The following PDE1A variants were observed in gnomAD, a reference collection of about 807,000 sequenced individuals.
PDE1A encodes the protein dual specificity calcium/calmodulin-dependent 3',5'-cyclic nucleotide phosphodiesterase 1A.
In PDE1A, 35 loss-of-function variants were observed where a neutral mutation model predicts 61.7. The observed-to-expected ratio is 0.57, with a 90% CI of 0.43 to 0.75. PDE1A has a LOEUF of 0.75. PDE1A is among the 30% of genes least tolerant of loss of function. PDE1A has a pLI of 0.00. For synonymous variants in PDE1A, 232 were observed against 213.2 expected (o/e 1.09, Z -0.77); for missense variants, 597 against 630.6 (o/e 0.95, Z 0.57).
At chr2:182,507,381 C>T (rs911025675) in intron 2 of PDE1A, among the ~76,000 whole-genome samples, 7 of 152,156 alleles carry the variant, frequency 4.6e-5, no homozygotes, top group African/African-American at 7.2e-5. Context: ...TCCTCACTCA[C>T]ATGTCCGGTA....
At chr2:182,578,011 G>T in the PDE1A span, among the ~76,000 whole-genome samples, 1 of 147,702 alleles carries the variant, frequency 6.8e-6, no homozygotes, top group African/African-American at 2.6e-5. Context: ...GGAGGGAGGG[G>T]AAAGAGCAAG....
the PDE1A span, among the ~76,000 whole-genome samples, chr2:182,660,314 TGAGA>T: frequency 6.6e-6 from 1 of 152,174 alleles, no homozygotes; most frequent in Non-Finnish European, 1.5e-5. Context: ...AATGCTTCTC[TGAGA>T]GAGTGGAAGA....
rs564395685 is a variant in PDE1A, at chr2:182,219,155, A to AGAT, written c.776+4706_776+4708dup. 4.5e-4 allele frequency among the ~76,000 whole-genome samples: 69 copies of AGAT among 152,228 alleles called. 1 individual carries two copies. The highest frequency in any genetic ancestry group is 1.6e-3 in the African/African-American group (67 of 41,558). On this transcript the variant is annotated intron_variant, in intron 7 of 13. Transcript: ENST00000351439. Reference sequence around the variant, plus strand: ...TATAGATCCTTTTGCTTTAAAATTAAGATAGAAAAGTCGTTTTTAAAGAAA... The same window carrying AGAT: ...TATAGATCCTTTTGCTTTAAAATTAAGATGATAGAAAAGTCGTTTTTAAAGAAA...
chr2:182,456,115 A>G (rs1323757156), intron 2 of PDE1A, among the ~76,000 whole-genome samples: 1 of 152,076 alleles, frequency 6.6e-6, no homozygotes, highest in African/African-American at 2.4e-5. Context: ...ATGCTGCCCA[A>G]CTAGTCATCA....
chr2:182,713,080 G>T, the PDE1A span, among the ~76,000 whole-genome samples: 2 of 152,238 alleles, frequency 1.3e-5, no homozygotes, highest in East Asian at 3.9e-4. Context: ...TGAAGTACAA[G>T]AACTATGCAC....
At chr2:182,159,968 A>G (rs1691290782) in intron 13 of PDE1A, among the ~76,000 whole-genome samples, 1 of 152,182 alleles carries the variant, frequency 6.6e-6, no homozygotes, top group African/African-American at 2.4e-5. Context: ...AAAAAAAAGA[A>G]TTATTGTAGA....
chr2:182,217,970 G>A (rs1445666728), intron 7 of PDE1A, among the ~76,000 whole-genome samples: 1 of 151,140 alleles, frequency 6.6e-6, no homozygotes, highest in Non-Finnish European at 1.5e-5. Context: ...ACATGCAAAC[G>A]TATGTTTATT....
At chr2:182,635,275 T>C in the PDE1A span, among the ~76,000 whole-genome samples, 1 of 152,080 alleles carries the variant, frequency 6.6e-6, no homozygotes, top group Non-Finnish European at 1.5e-5. Flanking sequence ...TTCAAAAAGA[T>C]ACAGTGAAGA....
intron 2 of PDE1A, among the ~76,000 whole-genome samples, chr2:182,258,667 T>C (rs1484341421): frequency 6.6e-6 from 1 of 152,232 alleles, no homozygotes; most frequent in Admixed American, 6.5e-5. Context: ...GCCATGTCTT[T>C]AAGAATAGGC....
At chr2:182,548,093 T>C in the PDE1A span, among the ~76,000 whole-genome samples, 1 of 152,174 alleles carries the variant, frequency 6.6e-6, no homozygotes, top group African/African-American at 2.4e-5. Context: ...AAGTTTGTGC[T>C]TTTTCCCAAG....
At chr2:182,534,027 A>C in the PDE1A span, among the ~76,000 whole-genome samples, 2 of 152,124 alleles carry the variant, frequency 1.3e-5, no homozygotes, top group Non-Finnish European at 2.9e-5. Context: ...GAGAATTTGA[A>C]CCAGTATCAA....
chr2:182,242,975 A>T (rs1276652089), intron 2 of PDE1A, among the ~76,000 whole-genome samples: 2 of 124,972 alleles, frequency 1.6e-5, no homozygotes, highest in Non-Finnish European at 3.3e-5. Flanking sequence ...TTTGGATAAG[A>T]AATCATCTTT....
intron 1 of PDE1A, among the ~76,000 whole-genome samples, chr2:182,351,956 GCACACATAC>G (rs1344992064): frequency 1.3e-5 from 2 of 152,090 alleles, no homozygotes; most frequent in African/African-American, 4.8e-5. Context: ...TAAGAAATAT[GCACACATAC>G]CCACCTAAAA....
At chr2:182,267,222 G>T (rs1692693241) in intron 1 of PDE1A, among the ~76,000 whole-genome samples, 1 of 152,052 alleles carries the variant, frequency 6.6e-6, no homozygotes, top group Non-Finnish European at 1.5e-5. Flanking sequence ...CAATGAACAT[G>T]CCCTTTCACA....
At chr2:182,363,077 A>G (rs986465833) in intron 1 of PDE1A, among the ~76,000 whole-genome samples, 1 of 151,990 alleles carries the variant, frequency 6.6e-6, no homozygotes, top group East Asian at 1.9e-4. Context: ...GGAGGGCAGG[A>G]GGAGGAAGAG....
chr2:182,584,023 G>A, the PDE1A span, among the ~76,000 whole-genome samples: 1 of 152,142 alleles, frequency 6.6e-6, no homozygotes, highest in Admixed American at 6.6e-5. Context: ...GAGATATTAC[G>A]TGATCTCATT....
rs556460611 is a variant in PDE1A at position 182,444,088 on chromosome 2, A to G, written c.101+78188T>C. On this transcript the variant is annotated intron_variant, in intron 2 of 14. Coordinates refer to the PDE1A transcript ENST00000410103. ...AGCCTAATATAGGCTAGGTCTCTCA[A>G]AATCTCCCTACCCACTCATTCACTA... 4.1e-4 allele frequency among the ~76,000 whole-genome samples: 62 copies of G among 152,278 alleles called. No homozygotes were observed. In the South Asian group the frequency reaches 9.3e-3, roughly 23 times the overall value.
intron 1 of PDE1A, among the ~76,000 whole-genome samples, chr2:182,392,466 A>G (rs1226990428): frequency 6.6e-6 from 1 of 152,166 alleles, no homozygotes; most frequent in Admixed American, 6.5e-5. Context: ...ACACAGCCAA[A>G]TCACATCATT....
chr2:182,387,665 G>T (rs1312578910), intron 1 of PDE1A, among the ~76,000 whole-genome samples: 2 of 152,044 alleles, frequency 1.3e-5, no homozygotes, highest in Non-Finnish European at 2.9e-5. Context: ...GCTGAGGCAT[G>T]AGGATTACTT....
Sources: gnomAD v4.1 joint callset for allele counts (sites outside exome capture counted in the v4.1 genomes callset) on GRCh38, gnomAD v4.1.1 for gene constraint, MANE v1.5 for transcripts, NCBI Gene and HGNC (gene_info 2026-07-23, HGNC 2026-07-21) for gene names.